Variants in ZNF577 observed in about 807,000 individuals in gnomAD.
The protein encoded by ZNF577 is zinc finger protein 577.
Under a neutral mutation model 13.9 loss-of-function variants are expected in ZNF577, and 14 were observed. The ratio of observed to expected loss-of-function variants is 1.00; its 90% confidence interval spans 0.66 to 1.57. The LOEUF (loss-of-function observed/expected upper bound fraction) is 1.57. Among genes scored for constraint, ZNF577 ranks in the 40% most tolerant of loss-of-function variants. The pLI is 0.00. For synonymous variants in ZNF577, 203 were observed against 202.9 expected (o/e 1.00, Z 0.00); for missense variants, 555 against 579.2 (o/e 0.96, Z 0.43).
At position 51,857,420 on chromosome 19, in the gene ZNF577, A is replaced by AAG. The variant is rs761771875; in HGVS notation, c.284-12491_284-12490dup. On this transcript the variant is annotated intron_variant and NMD_transcript_variant, in intron 5 of 10. Transcript: ENST00000638827. ...AAAGAAAGAAAGAAAGAAAGAAAGAAAGAAAGAAAAGAAAAAACAAAGAAA... is the reference window on the plus strand; with the variant it reads ...AAAGAAAGAAAGAAAGAAAGAAAGAAAGAGAAAGAAAAGAAAAAACAAAGAAA... Among the ~76,000 whole-genome samples the AAG allele has an allele frequency of 4.1e-3, 494 of 121,386 alleles. 1 individual carries two copies. Among genetic ancestry groups the AAG allele is most frequent in the Non-Finnish European group, 5.7e-3 (341 of 60,166 alleles). 79.6% of individuals were successfully genotyped at this position (121,386 alleles called of 152,430 possible).
intron 8 of ZNF577, among the ~76,000 whole-genome samples, chr19:51,841,928 G>C (rs921514383): frequency 1.3e-5 from 2 of 152,172 alleles, no homozygotes; most frequent in African/African-American, 4.8e-5. Flanking sequence ...TCATGAAATG[G>C]AGAGGGATGG....
downstream of ZNF577, chr19:51,863,321 G>C (rs1444452127): frequency 1.3e-5 from 2 of 152,212 alleles, no homozygotes; most frequent in Non-Finnish European, 2.9e-5. Flanking sequence ...ACGCACAACA[G>C]AGTAAGTGAG....
chr19:51,858,147 GAATTATACAAAGC>G (rs1263688617), intron 5 of ZNF577, among the ~76,000 whole-genome samples: 1 of 152,156 alleles, frequency 6.6e-6, no homozygotes, highest in Non-Finnish European at 1.5e-5. Flanking sequence ...TCAGCCCATG[GAATTATACAAAGC>G]AATTGCATTC....
chr19:51,882,698 C>T (rs956896771), intron 1 of ZNF577, among the ~76,000 whole-genome samples: 1 of 151,972 alleles, frequency 6.6e-6, no homozygotes, highest in Non-Finnish European at 1.5e-5. Flanking sequence ...GCAGGAGGAT[C>T]GCTTGAGCCC....
intron 10 of ZNF577, among the ~76,000 whole-genome samples, chr19:51,805,464 G>A (rs141737097): frequency 0.059 from 8,986 of 152,240 alleles, 385 homozygotes; most frequent in Middle Eastern, 0.095. Context: ...GGTGATGTTG[G>A]ATGTGAAAGC....
Position 51,815,865 on chromosome 19 carries a change from A to AAAAAAAAG in ZNF577, c.*600-4192_*600-4191insCTTTTTTT, listed in dbSNP as rs1445554883. Among the ~76,000 whole-genome samples the AAAAAAAAG allele has an allele frequency of 6.7e-3, 1,013 of 150,798 alleles. 3 individuals carry two copies. Among genetic ancestry groups the AAAAAAAAG allele is most frequent in the Non-Finnish European group, 9.7e-3 (661 of 67,824 alleles). Reference sequence around the variant, plus strand: ...TGATAGAATGAGACCCTGTCTCAAAAAAAAAAGAAAAAAGAAAAAAGAAAA... The same window carrying AAAAAAAAG: ...TGATAGAATGAGACCCTGTCTCAAAAAAAAAAAGAAAAAAGAAAAAAGAAAAAAGAAAA... On this transcript the variant is annotated intron_variant and NMD_transcript_variant, in intron 9 of 10. Coordinates refer to the ZNF577 transcript ENST00000638827.
At chr19:51,816,966 G>C (rs532016563) in intron 9 of ZNF577, among the ~76,000 whole-genome samples, 1 of 152,054 alleles carries the variant, frequency 6.6e-6, no homozygotes, top group Middle Eastern at 3.4e-3. Context: ...TTTTCACCTT[G>C]GTAATTTTTT....
intron 10 of ZNF577, among the ~76,000 whole-genome samples, chr19:51,808,216 T>A (rs571962073): frequency 6.6e-6 from 1 of 152,364 alleles, no homozygotes; most frequent in Non-Finnish European, 1.5e-5. Flanking sequence ...CATGGCCAAT[T>A]AATATCTCCT....
chr19:51,823,460 T>A (rs991606904), intron 9 of ZNF577, among the ~76,000 whole-genome samples: 1 of 152,194 alleles, frequency 6.6e-6, no homozygotes, highest in Non-Finnish European at 1.5e-5. Context: ...CCATTGTCCA[T>A]ACACTCTCAG....
rs763136435 is a variant in ZNF577 at position 51,880,385 on chromosome 19, G to C, written c.-3C>G. On this transcript the variant is annotated 5_prime_UTR_variant, in exon 3 of 6. Transcript: ENST00000638348. ...ATTACAATCGTGGCATTTTTCATGTGTTTCCTGTTATTTCAGCTGCCAAAA... is the reference window on the plus strand; with the variant it reads ...ATTACAATCGTGGCATTTTTCATGTCTTTCCTGTTATTTCAGCTGCCAAAA... 5.6e-6 allele frequency: 9 copies of C among 1,613,906 alleles called. No homozygotes were observed. Among genetic ancestry groups the C allele is most frequent in the Non-Finnish European group, 6.8e-6 (8 of 1,179,970 alleles).
intron 5 of ZNF577, among the ~76,000 whole-genome samples, chr19:51,851,500 G>A (rs1056745807): frequency 2.6e-5 from 4 of 152,052 alleles, no homozygotes; most frequent in African/African-American, 9.7e-5. Flanking sequence ...TTTCCCATAC[G>A]TTGAAAATTC....
chr19:51,820,298 A>G (rs2084178645), intron 9 of ZNF577, among the ~76,000 whole-genome samples: 1 of 152,226 alleles, frequency 6.6e-6, no homozygotes, highest in African/African-American at 2.4e-5. Flanking sequence ...AATAATTGTG[A>G]CATTGAACAA....
rs78901004 is a variant in ZNF577 at position 51,835,114 on chromosome 19, G to A, written c.*599+4779C>T. The stretch of plus-strand genomic sequence containing the variant: ...AAATGAAATAGAGATCAATAGAAGA[G>A]GAAATATTAAAGTTATGTTAAGATA... On this transcript the variant is annotated intron_variant and NMD_transcript_variant, in intron 9 of 10. Transcript: ENST00000638827. Among the ~76,000 whole-genome samples, 65 of 150,660 alleles carry A rather than the reference G, an allele frequency of 4.3e-4. No individual in the cohort carries two copies. In the East Asian group the frequency reaches 0.012, roughly 28 times the overall value.
chr19:51,863,833 G>C (rs1187280798), downstream of ZNF577, among the ~76,000 whole-genome samples: 1 of 152,212 alleles, frequency 6.6e-6, no homozygotes, highest in Non-Finnish European at 1.5e-5. Context: ...TCAGATTCTT[G>C]ATCTAGGTGC....
At chr19:51,852,195 G>C (rs2084382170) in intron 5 of ZNF577, among the ~76,000 whole-genome samples, 1 of 152,212 alleles carries the variant, frequency 6.6e-6, no homozygotes, top group Non-Finnish European at 1.5e-5. Context: ...TCTTTGGAAA[G>C]CTCATTTCAA....
At chr19:51,822,865 C>G (rs1014755908) in intron 9 of ZNF577, among the ~76,000 whole-genome samples, 3 of 150,948 alleles carry the variant, frequency 2.0e-5, no homozygotes, top group African/African-American at 4.9e-5. Context: ...TATTTCTGCT[C>G]TTTTTTTTTG....
intron 10 of ZNF577, among the ~76,000 whole-genome samples, chr19:51,808,771 CTCTTAAATCATGT>C (rs1344314528): frequency 6.6e-6 from 1 of 152,192 alleles, no homozygotes; most frequent in East Asian, 1.9e-4. Context: ...ACATGAATAG[CTCTTAAATCATGT>C]AGTAGTCGCC....
chr19:51,826,009 T>A (rs1367148156), intron 9 of ZNF577: 1 of 166,440 alleles, frequency 6.0e-6, no homozygotes, highest in Non-Finnish European at 1.5e-5. Context: ...TTCTTATTTG[T>A]TAAGAGTTTT....
intron 5 of ZNF577, chr19:51,861,284 T>C (rs1224957731): frequency 1.8e-5 from 3 of 163,582 alleles, no homozygotes; most frequent in Non-Finnish European, 3.9e-5. Flanking sequence ...CACCTGGCTA[T>C]TTGTTTTTTT....
Sources: allele counts gnomAD v4.1 joint callset (sites outside exome capture counted in the v4.1 genomes callset), GRCh38; gene constraint gnomAD v4.1.1; transcripts MANE v1.5; gene names NCBI Gene and HGNC (gene_info 2026-07-23, HGNC 2026-07-21).